CRYBA4: variants seen among roughly 807,000 people sequenced by gnomAD.
The protein encoded by CRYBA4 is crystallin beta A4.
Under a neutral mutation model 31.7 loss-of-function variants are expected in CRYBA4, and 30 were observed. That is an observed-to-expected ratio of 0.95 (90% confidence interval 0.71 to 1.28). The LOEUF (loss-of-function observed/expected upper bound fraction) is 1.28, where lower values mean the gene tolerates loss of function less well. Ranked by LOEUF, CRYBA4 falls within the 50% of genes most tolerant of loss-of-function variation. The pLI is 0.00. For missense variants in CRYBA4, 225 were observed against 260.7 expected (o/e 0.86, Z 0.94); for synonymous variants, 102 against 102.3 (o/e 1.00, Z 0.02).
chr22:26,627,456 T>TTC (rs1929769003), intron 4 of CRYBA4, among the ~76,000 whole-genome samples: 31 of 106,946 alleles, frequency 2.9e-4, no homozygotes, highest in African/African-American at 1.0e-3. Context: ...CCTTCTTTCT[T>TTC]TTTCTTTCTT....
intron 4 of CRYBA4, 21 bp downstream of exon 4, chr22:26,625,643 A>C: frequency 1.2e-6 from 2 of 1,612,772 alleles, no homozygotes; most frequent in Non-Finnish European, 1.7e-6. Context: ...CCACTGCTGC[A>C]TCCCGGGGAG....
rs1435054387 is a variant in CRYBA4, at chr22:26,623,258, T to C, written c.64T>C (p.Phe22Leu). ...GATGGTGGTGTGGGATGAGGACGGCTTCCAGGGCCGGCGGCACGAGTTCAC... is the reference window on the plus strand; with the variant it reads ...GATGGTGGTGTGGGATGAGGACGGCCTCCAGGGCCGGCGGCACGAGTTCAC... ...WKMVVWDEDGFQGRRHEFTAE... is the reference protein window; with the variant it reads ...WKMVVWDEDGLQGRRHEFTAE... The change falls in exon 3 of 6, where the codon TTC becomes CTC. Residue 22 changes from phenylalanine (F) to leucine (L), a missense_variant. Physicochemically the swap from Phe to Leu is conservative, Grantham distance 22. Transcript: ENST00000354760. The C allele has an allele frequency of 1.2e-6, 2 of 1,613,672 alleles. No homozygotes were observed. The highest frequency in any genetic ancestry group is 1.7e-6 in the Non-Finnish European group (2 of 1,180,010).
the CRYBA4 span, among the ~76,000 whole-genome samples, chr22:26,607,637 T>C: frequency 2.6e-5 from 4 of 151,690 alleles, no homozygotes; most frequent in Non-Finnish European, 5.9e-5. Context: ...AGGAAGATGC[T>C]GAAGTTTTTA....
the CRYBA4 span, among the ~76,000 whole-genome samples, chr22:26,594,595 G>A: frequency 6.6e-6 from 1 of 152,170 alleles, no homozygotes; most frequent in African/African-American, 2.4e-5. Context: ...CCAGTGCTTA[G>A]GGACACTCCT....
Position 26,625,498 on chromosome 22 carries a change from A to T in CRYBA4, c.176A>T (p.His59Leu). 1 of 1,614,016 alleles carries T rather than the reference A, an allele frequency of 6.2e-7. No individual in the cohort carries two copies. Among genetic ancestry groups the T allele is most frequent in the Non-Finnish European group, 8.5e-7 (1 of 1,180,022 alleles). Reference protein sequence around the residue: ...VLSGAWVGFEHAGFQGQQYIL... With the variant: ...VLSGAWVGFELAGFQGQQYIL... ...GTCTGCAGGTGGGTGGGCTTTGAGC[A>T]TGCTGGCTTCCAAGGGCAGCAGTAC... The change falls in exon 4 of 6, where the codon CAT (histidine) becomes CTT (leucine). Residue 59 changes from histidine to leucine, a missense_variant. Coordinates refer to ENST00000354760, the MANE Select transcript of CRYBA4 (RefSeq NM_001886.3).
At chr22:26,619,483 G>A (rs540167752), upstream of CRYBA4, among the ~76,000 whole-genome samples, 1 of 152,324 alleles carries the variant, frequency 6.6e-6, no homozygotes, top group Admixed American at 6.5e-5. Flanking sequence ...TAGGTCACCT[G>A]CAGTCGGCTC....
the CRYBA4 span, among the ~76,000 whole-genome samples, chr22:26,615,290 G>T: frequency 6.6e-5 from 10 of 152,212 alleles, no homozygotes; most frequent in African/African-American, 1.9e-4. Flanking sequence ...AATTTTGAGG[G>T]TCTGAGGCCA....
intron 3 of CRYBA4, 54 bp downstream of exon 3, chr22:26,623,406 G>C (rs1929605124): frequency 9.2e-6 from 13 of 1,407,376 alleles, no homozygotes; most frequent in Non-Finnish European, 1.2e-5. Flanking sequence ...AAGGGACCTA[G>C]AGACGGGTGC....
At chr22:26,626,847 C>A (rs911166133) in intron 4 of CRYBA4, among the ~76,000 whole-genome samples, 3 of 152,060 alleles carry the variant, frequency 2.0e-5, no homozygotes, top group Admixed American at 1.3e-4. Context: ...TCTGTATAAT[C>A]TATATATCTT....
chr22:26,601,449 C>G, the CRYBA4 span, among the ~76,000 whole-genome samples: 1 of 151,898 alleles, frequency 6.6e-6, no homozygotes, highest in African/African-American at 2.4e-5. Context: ...ATGTCAGTAG[C>G]AGGGTCAGGG....
At chr22:26,614,753 A>T in the CRYBA4 span, among the ~76,000 whole-genome samples, 2 of 152,300 alleles carry the variant, frequency 1.3e-5, no homozygotes, top group Non-Finnish European at 2.9e-5. Context: ...GCACTTGGGG[A>T]GGCGGAGGCT....
At chr22:26,595,208 A>G in the CRYBA4 span, among the ~76,000 whole-genome samples, 5 of 152,206 alleles carry the variant, frequency 3.3e-5, no homozygotes, top group African/African-American at 1.2e-4. Context: ...AATGACTTTA[A>G]TTGTTATTTT....
chr22:26,606,010 GA>G, the CRYBA4 span, among the ~76,000 whole-genome samples: 2 of 152,204 alleles, frequency 1.3e-5, no homozygotes, highest in African/African-American at 4.8e-5. Context: ...AACATTATGA[GA>G]TTTTTTTTGC....
At chr22:26,600,334 G>A in the CRYBA4 span, among the ~76,000 whole-genome samples, 34 of 152,058 alleles carry the variant, frequency 2.2e-4, no homozygotes, top group African/African-American at 7.5e-4. Context: ...CCCAGGAGGC[G>A]GAGCTTGCAG....
At chr22:26,612,179 G>T in the CRYBA4 span, 1 of 1,612,944 alleles carries the variant, frequency 6.2e-7, no homozygotes, top group Non-Finnish European at 8.5e-7. Context: ...TTTCCAGTTC[G>T]AAGACCACCA....
At chr22:26,597,045 A>T in the CRYBA4 span, among the ~76,000 whole-genome samples, 1 of 152,122 alleles carries the variant, frequency 6.6e-6, no homozygotes, top group African/African-American at 2.4e-5. Context: ...GCTGGCCAAG[A>T]GTGTTGAGGT....
rs1163015215 is a variant in CRYBA4 at position 26,625,557 on chromosome 22, G to T, written c.235G>T (p.Ala79Ser). The change falls in exon 4 of 6, where the codon GCC (alanine) becomes TCC (serine). Residue 79 changes from alanine (A) to serine (S), a missense_variant. Coordinates refer to ENST00000354760, the MANE Select transcript of CRYBA4 (RefSeq NM_001886.3). ...ACGAGGCGAATATCCAAGCTGGGAT[G>T]CCTGGGGCGGCAACACGGCCTACCC... ...LERGEYPSWD[A>S]WGGNTAYPAE... is the part of the protein sequence containing the mutation. The T allele has an allele frequency of 3.7e-6, 6 of 1,614,056 alleles. No homozygotes were observed. Among genetic ancestry groups the T allele is most frequent in the Non-Finnish European group, 5.1e-6 (6 of 1,180,022 alleles).
At chr22:26,600,139 A>C in the CRYBA4 span, among the ~76,000 whole-genome samples, 1 of 152,090 alleles carries the variant, frequency 6.6e-6, no homozygotes, top group Non-Finnish European at 1.5e-5. Context: ...CGGTGGCTCA[A>C]GCCTGTAATC....
the CRYBA4 span, among the ~76,000 whole-genome samples, chr22:26,611,871 C>T: frequency 3.3e-5 from 5 of 152,216 alleles, no homozygotes; most frequent in Admixed American, 1.3e-4. Flanking sequence ...ATCACCTCTC[C>T]GAGCCTCAGT....
Sources: allele counts gnomAD v4.1 joint callset (sites outside exome capture counted in the v4.1 genomes callset), GRCh38; gene constraint gnomAD v4.1.1; transcripts MANE v1.5; gene names NCBI Gene and HGNC (gene_info 2026-07-23, HGNC 2026-07-21).